The following BCL7B variants were observed in gnomAD, a reference collection of about 807,000 sequenced individuals.
BCL7B encodes the protein BAF chromatin remodeling complex subunit BCL7B.
In BCL7B, 11 loss-of-function variants were observed where a neutral mutation model predicts 26.5. The ratio of observed to expected loss-of-function variants is 0.42; its 90% CI spans 0.26 to 0.69. The LOEUF (loss-of-function observed/expected upper bound fraction) is 0.69. BCL7B is among the 30% of genes least tolerant of loss of function. The pLI is 0.28. For missense variants in BCL7B, 215 were observed against 264.4 expected, an observed-to-expected ratio of 0.81 and a Z score of 1.30; for synonymous variants, 111 against 107.9, an observed-to-expected ratio of 1.03 and a Z score of -0.18.
At chr7:73,557,460 C>T in intron 1 of BCL7B, 27 bp downstream of exon 1, 1 of 1,344,826 alleles carries the variant, frequency 7.4e-7, no homozygotes, top group Non-Finnish European at 9.7e-7. Flanking sequence ...GCGACCCCCG[C>T]CAGCCCCCTA....
chr7:73,544,142 C>T (rs923461150), intron 2 of BCL7B, among the ~76,000 whole-genome samples: 6 of 152,150 alleles, frequency 3.9e-5, no homozygotes, highest in Admixed American at 6.6e-5. Flanking sequence ...CCACCCCAGC[C>T]GGGCGCACTG....
chr7:73,555,045 A>G (rs562464221), intron 1 of BCL7B, among the ~76,000 whole-genome samples: 1 of 152,246 alleles, frequency 6.6e-6, no homozygotes, highest in South Asian at 2.1e-4. Context: ...GAATAGCTCA[A>G]TTCAAGATTA....
intron 2 of BCL7B, among the ~76,000 whole-genome samples, chr7:73,550,405 C>T (rs1404677055): frequency 6.6e-6 from 1 of 151,728 alleles, no homozygotes; most frequent in Non-Finnish European, 1.5e-5. Flanking sequence ...ATTAGCCAGG[C>T]GTGGTGGCAG....
intron 5 of BCL7B, 132 bp downstream of exon 5, chr7:73,537,802 T>G: frequency 1.7e-6 from 1 of 596,126 alleles, no homozygotes; most frequent in Admixed American, 3.4e-5. Context: ...ACAGGAGAAT[T>G]GCTTGAACCC....
chr7:73,537,314 G>C lies in BCL7B; in HGVS notation c.593C>G (p.Thr198Arg). ...GGGATGGTGCTAGCTTTCTGACGCCGTCTGCGGCACTGTGGGTTGGTCCAC... is the reference window on the plus strand; with the variant it reads ...GGGATGGTGCTAGCTTTCTGACGCCCTCTGCGGCACTGTGGGTTGGTCCAC... ...FCVDQPTVPQTASES is the reference protein window; with the variant it reads ...FCVDQPTVPQRASES Residue 198 changes from threonine to arginine, a missense_variant, in exon 6 of 6, where the codon ACG becomes AGG. By Grantham distance (71) the Thr-to-Arg change is moderately conservative (BLOSUM62 -1). Coordinates refer to ENST00000223368, the MANE Select transcript of BCL7B (RefSeq NM_001707.4). 1 of 1,614,082 alleles carries C rather than the reference G, an allele frequency of 6.2e-7. No individual in the cohort carries two copies. Among genetic ancestry groups the C allele is most frequent in the Non-Finnish European group, 8.5e-7 (1 of 1,179,978 alleles).
chr7:73,557,217 T>G, intron 1 of BCL7B: 1 of 1,059,354 alleles, frequency 9.4e-7, no homozygotes, highest in Non-Finnish European at 1.1e-6. Flanking sequence ...GCAGCTCCAG[T>G]CCGGGCCGGA....
rs947058482 is a variant in BCL7B, at chr7:73,537,028, C to T, written c.*270G>A. 21 of 370,678 alleles carry T rather than the reference C, an allele frequency of 5.7e-5. No individual in the cohort carries two copies. Among genetic ancestry groups the T allele is most frequent in the Non-Finnish European group, 9.0e-5 (18 of 199,960 alleles). 23.0% of individuals were successfully genotyped at this position (370,678 alleles called of 1,614,324 possible). A position where few individuals can be genotyped will look rare whatever the true frequency, so the allele number is the denominator to read the frequency against. ...AGCAGAGACTGCTGCCTGGAGGTCA[C>T]AGATGAATCTTGGGGTGGCCGATGC... On this transcript the variant is annotated 3_prime_UTR_variant, in exon 6 of 6. Transcript: ENST00000223368.
chr7:73,549,682 T>G (rs1426116101), intron 2 of BCL7B, among the ~76,000 whole-genome samples: 1 of 152,126 alleles, frequency 6.6e-6, no homozygotes, highest in Non-Finnish European at 1.5e-5. Context: ...GAAAAAAAAT[T>G]AGCTGGGCAT....
chr7:73,549,715 A>C (rs1205044568), intron 2 of BCL7B, among the ~76,000 whole-genome samples: 7 of 152,260 alleles, frequency 4.6e-5, no homozygotes, highest in Non-Finnish European at 1.5e-5. Flanking sequence ...CTGTGGTCCC[A>C]GCTTCTCAGG....
intron 2 of BCL7B, among the ~76,000 whole-genome samples, chr7:73,550,892 C>T (rs531931187): frequency 1.3e-5 from 2 of 152,226 alleles, no homozygotes; most frequent in African/African-American, 2.4e-5. Flanking sequence ...CTCCTGACCT[C>T]GTGATCCGCC....
intron 3 of BCL7B, chr7:73,542,993 C>G: frequency 3.1e-6 from 1 of 325,326 alleles, no homozygotes; most frequent in Non-Finnish European, 6.3e-6. Context: ...TGGAGTCTGT[C>G]ACTTACAAGT....
intron 2 of BCL7B, among the ~76,000 whole-genome samples, chr7:73,551,217 A>G (rs766790125): frequency 6.6e-6 from 1 of 152,224 alleles, no homozygotes; most frequent in Non-Finnish European, 1.5e-5. Context: ...CCTTATGGCA[A>G]CCACTCAATC....
intron 2 of BCL7B, among the ~76,000 whole-genome samples, chr7:73,546,654 C>T (rs1432901715): frequency 6.7e-6 from 1 of 148,728 alleles, no homozygotes; most frequent in Non-Finnish European, 1.5e-5. Context: ...GGTGACACAG[C>T]GAGACTCTGT....
chr7:73,551,754 C>A (rs539357044), intron 2 of BCL7B, among the ~76,000 whole-genome samples: 5 of 152,154 alleles, frequency 3.3e-5, no homozygotes, highest in African/African-American at 1.2e-4. Context: ...TAACAGGGTA[C>A]CTTGAAGTAT....
rs374914604 is a variant in BCL7B at position 73,542,939 on chromosome 7, C to A, written c.265+609G>T. 1.1e-4 allele frequency: 46 copies of A among 406,978 alleles called. No homozygotes were observed. In the East Asian group the frequency reaches 1.9e-3, roughly 17 times the overall value. The allele number at this position is 406,978 out of a possible 1,614,324, so 25.2% of individuals were successfully genotyped here. On this transcript the variant is annotated intron_variant, in intron 3 of 5. Coordinates refer to ENST00000223368, the MANE Select transcript of BCL7B (RefSeq NM_001707.4). ...AAAATAAAAAATAAAAAATGAAGTA[C>A]AATCTAAAAAAAAGCTTCTGATTCG...
intron 3 of BCL7B, among the ~76,000 whole-genome samples, chr7:73,540,829 CAAAA>C (rs56111929): frequency 5.1e-4 from 26 of 50,934 alleles, no homozygotes; most frequent in African/African-American, 2.1e-3. Context: ...GACTCTGTCT[CAAAA>C]AAAAAAAAAA....
intron 4 of BCL7B, 190 bp downstream of exon 4, chr7:73,539,692 T>C: frequency 1.5e-6 from 1 of 655,686 alleles, no homozygotes; most frequent in South Asian, 2.4e-5. Flanking sequence ...GGCACGCAAC[T>C]CTAATGCTTG....
chr7:73,543,760 G>A lies in BCL7B; in HGVS notation c.169-116C>T, dbSNP rs935478713. On this transcript the variant is annotated intron_variant, in intron 2 of 5. Coordinates refer to ENST00000223368, the MANE Select transcript of BCL7B (RefSeq NM_001707.4). ...TGGATTAGGACTGAACAGGAAAAAC[G>A]ACAGCAGCGTGAGAATCCAAGGACC... The A allele has an allele frequency of 2.4e-5, 18 of 755,888 alleles. No individual in the cohort carries two copies. In the African/African-American group the frequency reaches 2.6e-4, roughly 11 times the overall value. 46.8% of individuals were successfully genotyped at this position (755,888 alleles called of 1,614,324 possible). A position where few individuals can be genotyped will look rare whatever the true frequency, so the allele number is the denominator to read the frequency against.
intron 1 of BCL7B, 24 bp downstream of exon 1, chr7:73,557,463 G>C (rs781917506): frequency 1.5e-6 from 2 of 1,325,542 alleles, no homozygotes; most frequent in South Asian, 1.9e-5. Context: ...ACCCCCGCCA[G>C]CCCCCTAAGC....
Sources: gnomAD v4.1 joint callset for allele counts (sites outside exome capture counted in the v4.1 genomes callset) on GRCh38, gnomAD v4.1.1 for gene constraint, MANE v1.5 for transcripts, NCBI Gene and HGNC (gene_info 2026-07-23, HGNC 2026-07-21) for gene names.